VPS26A: variants seen among roughly 807,000 people sequenced by gnomAD.
The protein encoded by VPS26A is VPS26 retromer complex component A, also known as vacuolar protein sorting-associated protein 26A.
Under a neutral mutation model 42.4 loss-of-function variants are expected in VPS26A, and 22 were observed. The ratio of observed to expected loss-of-function variants is 0.52; its 90% CI spans 0.37 to 0.74. VPS26A has a LOEUF of 0.74. VPS26A is among the 30% of genes least tolerant of loss of function. The pLI is 0.00. For missense variants in VPS26A, 276 were observed against 379.2 expected (o/e 0.73, Z 2.26); for synonymous variants, 110 against 123.5 (o/e 0.89, Z 0.73).
intron 2 of VPS26A, among the ~76,000 whole-genome samples, chr10:69,145,819 A>G (rs1026522863): frequency 3.3e-5 from 5 of 151,840 alleles, no homozygotes; most frequent in Non-Finnish European, 5.9e-5. Flanking sequence ...ATATTTGCAG[A>G]GTTGAGCCAC....
rs1259078056 is a variant in VPS26A, at chr10:69,171,442, C to T, written c.*173C>T. The T allele has an allele frequency of 9.6e-6, 5 of 519,306 alleles. No individual in the cohort carries two copies. The highest frequency in any genetic ancestry group is 3.5e-4 in the Middle Eastern group (1 of 2,840). 32.2% of individuals were successfully genotyped at this position (519,306 alleles called of 1,614,324 possible). ...TTATTTTATGATATAATGAAATGTTCGTTCATGTATATACATTTTTAAAAG... is the reference window on the plus strand; with the variant it reads ...TTATTTTATGATATAATGAAATGTTTGTTCATGTATATACATTTTTAAAAG... On this transcript the variant is annotated 3_prime_UTR_variant, in exon 9 of 9. Coordinates refer to ENST00000263559, the MANE Select transcript of VPS26A (RefSeq NM_004896.5).
intron 2 of VPS26A, among the ~76,000 whole-genome samples, chr10:69,148,913 G>A (rs1478142066): frequency 3.9e-5 from 6 of 151,918 alleles, no homozygotes; most frequent in African/African-American, 2.4e-5. Context: ...CCGCCACCAC[G>A]CCCAGCTAAT....
intron 2 of VPS26A, among the ~76,000 whole-genome samples, chr10:69,153,176 A>G (rs1241606195): frequency 1.3e-5 from 2 of 151,578 alleles, no homozygotes; most frequent in African/African-American, 2.4e-5. Context: ...TAGCCTCCCA[A>G]GTAGCTGGGA....
chr10:69,165,946 T>TAA, intron 6 of VPS26A, 96 bp from the exon 7 acceptor site: 2 of 1,174,262 alleles, frequency 1.7e-6, no homozygotes, highest in Non-Finnish European at 1.2e-6. Context: ...ACACCGTCTC[T>TAA]AAAAAAAAAT....
At chr10:69,127,885 TGGGG>T (rs1419947772) in intron 1 of VPS26A, among the ~76,000 whole-genome samples, 1 of 151,830 alleles carries the variant, frequency 6.6e-6, no homozygotes, top group Non-Finnish European at 1.5e-5. Context: ...TTTGTAGATA[TGGGG>T]GTCTAGCTGT....
chr10:69,168,386 A>C, intron 7 of VPS26A, 103 bp from the exon 8 acceptor site: 2 of 1,223,872 alleles, frequency 1.6e-6, no homozygotes, highest in Non-Finnish European at 2.3e-6. Context: ...GCATCTCATG[A>C]GGATGTGAAG....
chr10:69,145,254 C>T (rs1003998675), intron 2 of VPS26A, among the ~76,000 whole-genome samples: 2 of 151,912 alleles, frequency 1.3e-5, no homozygotes, highest in Non-Finnish European at 1.5e-5. Context: ...AGGCTGGTCA[C>T]GAACTCATGA....
intron 8 of VPS26A, chr10:69,170,202 A>G (rs1242629094): frequency 6.6e-6 from 1 of 152,256 alleles, no homozygotes; most frequent in Non-Finnish European, 1.5e-5. Context: ...AATATAAACT[A>G]ACAGAATACT....
In VPS26A at chr10:69,149,047, C is replaced by T. The variant is rs913899812; in HGVS notation, c.154-6765C>T. Among the ~76,000 whole-genome samples, 4 of 152,160 alleles carry T rather than the reference C, an allele frequency of 2.6e-5. No homozygotes were observed. In the South Asian group the frequency reaches 6.2e-4, roughly 24 times the overall value. On this transcript the variant is annotated intron_variant, in intron 2 of 8. Coordinates refer to ENST00000263559, the MANE Select transcript of VPS26A (RefSeq NM_004896.5). The stretch of plus-strand genomic sequence containing the variant: ...CTGGGATTACCAGTGTGAGCCACCG[C>T]GCCCAGCCAAGAGTATGTTTTGTAT...
Position 69,158,084 on chromosome 10 carries a change from G to C in VPS26A, c.424G>C (p.Asp142His). The stretch of plus-strand genomic sequence containing the variant: ...AGTGACAATAGTGAGAAGACTGACA[G>C]ATTTGGTAAAAGAGTATGATCTTAT... ...LKVTIVRRLT[D>H]LVKEYDLIVH... The change falls in exon 5 of 9, where the codon GAT becomes CAT. Residue 142 changes from aspartate to histidine, a missense_variant. Asp to His is a moderately conservative substitution (Grantham distance 81). Coordinates refer to ENST00000263559, the MANE Select transcript of VPS26A (RefSeq NM_004896.5). The C allele has an allele frequency of 6.2e-7, 1 of 1,611,160 alleles. No individual in the cohort carries two copies. Among genetic ancestry groups the C allele is most frequent in the African/African-American group, 1.3e-5 (1 of 74,890 alleles).
At chr10:69,169,170 C>T (rs187553220) in intron 8 of VPS26A, among the ~76,000 whole-genome samples, 356 of 149,598 alleles carry the variant, frequency 2.4e-3, no homozygotes, top group African/African-American at 7.5e-3. Context: ...CATGAGCCAC[C>T]GTGCCCAGCT....
intron 1 of VPS26A, among the ~76,000 whole-genome samples, chr10:69,125,516 T>C (rs1840629810): frequency 6.6e-6 from 1 of 152,202 alleles, no homozygotes; most frequent in African/African-American, 2.4e-5. Flanking sequence ...GGACCTTGCC[T>C]AGTCAGTGTT....
At chr10:69,127,902 T>C (rs1340838714) in intron 1 of VPS26A, among the ~76,000 whole-genome samples, 1 of 151,864 alleles carries the variant, frequency 6.6e-6, no homozygotes, top group Admixed American at 6.6e-5. Context: ...CTAGCTGTAT[T>C]GACGAAGCTG....
Position 69,171,282 on chromosome 10 carries a change from A to G in VPS26A, c.*13A>G, listed in dbSNP as rs1564690280. 6.9e-6 allele frequency: 11 copies of G among 1,597,420 alleles called. No homozygotes were observed. The highest frequency in any genetic ancestry group is 1.2e-5 in the South Asian group (1 of 86,594). On this transcript the variant is annotated 3_prime_UTR_variant, in exon 9 of 9. Coordinates refer to ENST00000263559, the MANE Select transcript of VPS26A (RefSeq NM_004896.5). ...GCCTGAAATGTGAACTGAACAGGAGAAAAAAAGAAAAGCAAAAAACTCCTG... is the reference window on the plus strand; with the variant it reads ...GCCTGAAATGTGAACTGAACAGGAGGAAAAAAGAAAAGCAAAAAACTCCTG...
intron 6 of VPS26A, 25 bp downstream of exon 6, chr10:69,162,537 T>G (rs746352793): frequency 7.1e-7 from 1 of 1,399,100 alleles, no homozygotes; most frequent in Non-Finnish European, 9.8e-7. Flanking sequence ...GTATGTAAAT[T>G]AAAATTCTTT....
intron 2 of VPS26A, among the ~76,000 whole-genome samples, chr10:69,133,256 C>T (rs1195506961): frequency 6.6e-6 from 1 of 151,880 alleles, no homozygotes; most frequent in Non-Finnish European, 1.5e-5. Context: ...AAGGGAAGAG[C>T]CTCTAAATTT....
intron 2 of VPS26A, among the ~76,000 whole-genome samples, chr10:69,153,878 C>T (rs1841373911): frequency 6.6e-6 from 1 of 152,128 alleles, no homozygotes. Context: ...AGACTACATA[C>T]ATCTTTCAAT....
At chr10:69,146,560 C>T (rs766675034) in intron 2 of VPS26A, among the ~76,000 whole-genome samples, 98 of 152,228 alleles carry the variant, frequency 6.4e-4, no homozygotes, top group Middle Eastern at 3.4e-3. Flanking sequence ...ACTTTGTACC[C>T]ATTAAGCGGT....
At chr10:69,165,764 TTGAGA>T (rs1841672210) in intron 6 of VPS26A, among the ~76,000 whole-genome samples, 2 of 152,040 alleles carry the variant, frequency 1.3e-5, no homozygotes, top group Non-Finnish European at 2.9e-5. Flanking sequence ...GGGCAATATA[TTGAGA>T]ACCCATCTCT....
Sources: allele counts gnomAD v4.1 joint callset (sites outside exome capture counted in the v4.1 genomes callset), GRCh38; gene constraint gnomAD v4.1.1; transcripts MANE v1.5; gene names NCBI Gene and HGNC (gene_info 2026-07-23, HGNC 2026-07-21).